VCAN: variants seen among roughly 807,000 people sequenced by gnomAD.
The protein encoded by VCAN is versican, also known as versican core protein.
A neutral mutation model predicts 245.5 loss-of-function variants in VCAN; 44 were observed. The ratio of observed to expected loss-of-function variants is 0.18; its 90% CI spans 0.14 to 0.23. VCAN has a LOEUF of 0.23. Ranked by LOEUF, VCAN falls within the 10% of genes least tolerant of loss-of-function variation. The pLI is 1.00. For missense variants in VCAN, 3,793 were observed against 4,057.9 expected (o/e 0.93, Z 1.77); for synonymous variants, 1,413 against 1,437.0 (o/e 0.98, Z 0.38).
chr5:83,570,297 G>A (rs139628836), intron 12 of VCAN, among the ~76,000 whole-genome samples: 9 of 151,516 alleles, frequency 5.9e-5, no homozygotes, highest in Middle Eastern at 3.4e-3. Context: ...TTCCTTAAGG[G>A]TCTCTTGGTT....
chr5:83,558,345 T>C (rs1418699072), intron 12 of VCAN, among the ~76,000 whole-genome samples: 1 of 152,150 alleles, frequency 6.6e-6, no homozygotes, highest in Non-Finnish European at 1.5e-5. Context: ...CTTGGAATGG[T>C]GTTAACTTGA....
At chr5:83,491,649 A>G (rs921989718) in intron 3 of VCAN, among the ~76,000 whole-genome samples, 1 of 152,012 alleles carries the variant, frequency 6.6e-6, no homozygotes, top group African/African-American at 2.4e-5. Context: ...ATTTTTCATC[A>G]TTAAAGAATT....
chr5:83,558,768 A>G (rs1352868736), intron 12 of VCAN, among the ~76,000 whole-genome samples: 4 of 152,118 alleles, frequency 2.6e-5, no homozygotes, highest in Non-Finnish European at 4.4e-5. Flanking sequence ...TTCATTCCAC[A>G]TTACTGGCCT....
chr5:83,568,475 C>T (rs1748165993), intron 12 of VCAN, among the ~76,000 whole-genome samples: 1 of 152,250 alleles, frequency 6.6e-6, no homozygotes, highest in South Asian at 2.1e-4. Flanking sequence ...TCACCCAAAA[C>T]AATTAAATCT....
chr5:83,486,413 A>G (rs571603175), intron 2 of VCAN, among the ~76,000 whole-genome samples: 53 of 152,338 alleles, frequency 3.5e-4, no homozygotes, highest in African/African-American at 1.2e-3. Flanking sequence ...GGTTCCACCA[A>G]TTGGATCATG....
chr5:83,481,088 A>C (rs1202523426), intron 1 of VCAN, among the ~76,000 whole-genome samples: 1 of 152,150 alleles, frequency 6.6e-6, no homozygotes, highest in Non-Finnish European at 1.5e-5. Context: ...CAGAACTTGC[A>C]TTCTGGGCTA....
chr5:83,478,137 T>C (rs1744467843), intron 1 of VCAN, among the ~76,000 whole-genome samples: 1 of 151,998 alleles, frequency 6.6e-6, no homozygotes, highest in African/African-American at 2.4e-5. Flanking sequence ...GAGTGGGGTT[T>C]CACCATGTTG....
intron 12 of VCAN, among the ~76,000 whole-genome samples, chr5:83,561,537 C>T (rs1747866658): frequency 6.6e-6 from 1 of 152,008 alleles, no homozygotes. Flanking sequence ...CTACAATTTC[C>T]AACACCCACT....
intron 8 of VCAN, among the ~76,000 whole-genome samples, chr5:83,542,960 C>T (rs755286949): frequency 8.5e-5 from 13 of 152,162 alleles, no homozygotes; most frequent in South Asian, 4.1e-4. Flanking sequence ...CTGATTGCCA[C>T]GAAAAGGCTA....
intron 12 of VCAN, among the ~76,000 whole-genome samples, chr5:83,558,358 G>C (rs1747749171): frequency 6.6e-6 from 1 of 152,128 alleles, no homozygotes. Context: ...TAACTTGACT[G>C]TGTGCAGTTT....
intron 7 of VCAN, chr5:83,531,442 T>C (rs1746514907): frequency 6.6e-6 from 1 of 152,140 alleles, no homozygotes; most frequent in South Asian, 2.1e-4. Flanking sequence ...GAAAAGGTAA[T>C]GTATATTTCT....
intron 1 of VCAN, 61 bp downstream of exon 1, chr5:83,472,084 A>G (rs1744213776): frequency 3.9e-6 from 1 of 254,698 alleles, no homozygotes; most frequent in Admixed American, 5.5e-5. Context: ...ATAGAAAAAA[A>G]CCCGCGAGCT....
rs1433847684 is a variant in VCAN, at chr5:83,580,118, T to C, written c.10019T>C (p.Leu3340Ser). 4 of 1,614,024 alleles carry C rather than the reference T, an allele frequency of 2.5e-6. No homozygotes were observed. Reference protein sequence around the residue: ...IQRHLPTIRCLGNGRWAIPKI... With the variant: ...IQRHLPTIRCSGNGRWAIPKI... Reference sequence around the variant, plus strand: ...CGTCACCTTCCAACTATCCGGTGCTTAGGAAATGGAAGATGGGCTATACCT... The same window carrying C: ...CGTCACCTTCCAACTATCCGGTGCTCAGGAAATGGAAGATGGGCTATACCT... The change falls in exon 14 of 15, where the codon TTA becomes TCA. Residue 3340 changes from leucine (L) to serine (S), a missense_variant. Around this residue, in one of 5 missense-constraint regions of VCAN, gnomAD observed 205 missense variants for 321.1 expected, o/e 0.64. Transcript: ENST00000265077.
chr5:83,480,778 C>A (rs1409181409), intron 1 of VCAN, among the ~76,000 whole-genome samples: 1 of 152,104 alleles, frequency 6.6e-6, no homozygotes, highest in Admixed American at 6.5e-5. Flanking sequence ...TATATTGCTA[C>A]TATAGTGGTA....
At chr5:83,518,102 C>T (rs1745927357) in intron 6 of VCAN, among the ~76,000 whole-genome samples, 1 of 152,116 alleles carries the variant, frequency 6.6e-6, no homozygotes, top group Non-Finnish European at 1.5e-5. Flanking sequence ...CTTTTCAGGG[C>T]AAACAAGCAT....
In VCAN at chr5:83,580,636, T is replaced by G; in HGVS notation, c.*202T>G. 1.4e-6 allele frequency: 1 copy of G among 740,104 alleles called. No homozygotes were observed. The highest frequency in any genetic ancestry group is 3.1e-5 in the East Asian group (1 of 32,674). 45.8% of individuals were successfully genotyped at this position (740,104 alleles called of 1,614,324 possible). ...AGACAGCAGACAAAATGAAAGAAAA[T>G]GAGAGCAGAAAGTAAGCATTTCCAG... On this transcript the variant is annotated 3_prime_UTR_variant, in exon 15 of 15. Transcript: ENST00000265077.
chr5:83,477,195 G>T (rs971423507), intron 1 of VCAN, among the ~76,000 whole-genome samples: 1 of 152,068 alleles, frequency 6.6e-6, no homozygotes, highest in Non-Finnish European at 1.5e-5. Context: ...ACAAAAAAGG[G>T]ATGATAATAT....
chr5:83,490,101 A>G lies in VCAN; in HGVS notation c.74A>G (p.Lys25Arg). 6.2e-7 allele frequency: 1 copy of G among 1,613,880 alleles called. No homozygotes were observed. The highest frequency in any genetic ancestry group is 1.1e-5 in the South Asian group (1 of 91,072). The change falls in exon 3 of 15, where the codon AAA (lysine) becomes AGA (arginine). Residue 25 changes from lysine to arginine, a missense_variant. Lys to Arg is a conservative substitution (Grantham distance 26). Around this residue, in one of 5 missense-constraint regions of VCAN, gnomAD observed 179 missense variants for 169.7 expected, o/e 1.05. Transcript: ENST00000265077. ...LIVTHALHKV[K>R]VGKSPPVRGS... Reference sequence around the variant, plus strand: ...TGTTATTTTCTCTTTCCTCTAGTCAAAGTGGGAAAAAGCCCACCGGTGAGG... The same window carrying G: ...TGTTATTTTCTCTTTCCTCTAGTCAGAGTGGGAAAAAGCCCACCGGTGAGG...
intron 12 of VCAN, among the ~76,000 whole-genome samples, chr5:83,568,891 C>T (rs1561274730): frequency 2.0e-5 from 3 of 150,824 alleles, no homozygotes; most frequent in African/African-American, 4.9e-5. Flanking sequence ...TTTATATACA[C>T]AGACACACAC....
Sources: allele counts gnomAD v4.1 joint callset (sites outside exome capture counted in the v4.1 genomes callset), GRCh38; gene constraint gnomAD v4.1.1; regional missense constraint gnomAD v4.1.1; transcripts MANE v1.5; gene names NCBI Gene and HGNC (gene_info 2026-07-23, HGNC 2026-07-21).